CCSER1: variants seen among roughly 807,000 people sequenced by gnomAD.
CCSER1 encodes serine-rich coiled-coil domain-containing protein 1.
A neutral mutation model predicts 82.0 loss-of-function variants in CCSER1; 41 were observed. The observed-to-expected ratio is 0.50, with a 90% CI of 0.39 to 0.65. The LOEUF (loss-of-function observed/expected upper bound fraction) is 0.65. Among genes scored for constraint, CCSER1 ranks in the 30% least tolerant of loss-of-function variants. The pLI, the probability that CCSER1 is intolerant of heterozygous loss-of-function variation, is 0.00. For synonymous variants in CCSER1, 414 were observed against 383.9 expected, an observed-to-expected ratio of 1.08 and a Z score of -0.92; for missense variants, 1,119 against 1,064.2, an observed-to-expected ratio of 1.05 and a Z score of -0.72.
intron 9 of CCSER1, among the ~76,000 whole-genome samples, chr4:91,043,219 A>T (rs918554317): frequency 2.6e-5 from 4 of 152,122 alleles, no homozygotes; most frequent in Non-Finnish European, 4.4e-5. Flanking sequence ...TAAGGCATTC[A>T]CTAAAAAAAG....
chr4:90,322,834 T>G (rs929695086), intron 3 of CCSER1, among the ~76,000 whole-genome samples: 15 of 152,142 alleles, frequency 9.9e-5, no homozygotes, highest in African/African-American at 3.6e-4. Flanking sequence ...TGTAAGTACT[T>G]CCATTGCCAC....
chr4:91,219,696 C>G lies in CCSER1; in HGVS notation c.2217+133702C>G, dbSNP rs529556973. Among the ~76,000 whole-genome samples, 3 of 152,238 alleles carry G rather than the reference C, an allele frequency of 2.0e-5. No individual in the cohort carries two copies. In the South Asian group the frequency reaches 6.2e-4, roughly 32 times the overall value. On this transcript the variant is annotated intron_variant, in intron 10 of 10. Transcript: ENST00000509176. ...ACAAGAACTTTCTCTGAGCTACATT[C>G]ACTTAGGGCAAAAGATTCCTGTTGG...
intron 9 of CCSER1, among the ~76,000 whole-genome samples, chr4:91,030,478 C>G (rs1056936900): frequency 1.6e-4 from 24 of 151,982 alleles, no homozygotes; most frequent in African/African-American, 5.1e-4. Flanking sequence ...CAGCTCTGGA[C>G]AGACAGTAAA....
intron 1 of CCSER1, among the ~76,000 whole-genome samples, chr4:90,266,422 A>ATTTT (rs397968126): frequency 6.7e-6 from 1 of 148,428 alleles, no homozygotes; most frequent in African/African-American, 2.4e-5. Context: ...AAAATTGGGA[A>ATTTT]TTTTTTTTTT....
intron 10 of CCSER1, among the ~76,000 whole-genome samples, chr4:91,323,515 T>C (rs1049307297): frequency 1.3e-5 from 2 of 152,188 alleles, no homozygotes; most frequent in African/African-American, 4.8e-5. Context: ...AAAATGTACA[T>C]AATGACATAA....
intron 7 of CCSER1, among the ~76,000 whole-genome samples, chr4:90,775,909 A>G (rs1004882942): frequency 6.6e-6 from 1 of 151,512 alleles, no homozygotes; most frequent in African/African-American, 2.4e-5. Context: ...TCTAGTTGCC[A>G]TGTGTGTGAA....
intron 4 of CCSER1, among the ~76,000 whole-genome samples, chr4:90,438,093 A>G (rs1027659869): frequency 3.9e-5 from 6 of 152,156 alleles, no homozygotes; most frequent in Non-Finnish European, 5.9e-5. Context: ...CACATTGAAA[A>G]AGCTTATTGC....
intron 9 of CCSER1, among the ~76,000 whole-genome samples, chr4:90,995,415 G>C (rs1329510581): frequency 6.6e-6 from 1 of 152,082 alleles, no homozygotes; most frequent in Non-Finnish European, 1.5e-5. Context: ...TTCTGTGGGA[G>C]ATGCAAAAAT....
intron 8 of CCSER1, among the ~76,000 whole-genome samples, chr4:90,917,373 A>T (rs1343831830): frequency 6.6e-6 from 1 of 152,172 alleles, no homozygotes; most frequent in African/African-American, 2.4e-5. Flanking sequence ...AGGGACATGG[A>T]TGAAGCTGGA....
chr4:91,594,012 T>TA (rs1476441157), intron 10 of CCSER1, among the ~76,000 whole-genome samples: 2 of 152,156 alleles, frequency 1.3e-5, no homozygotes, highest in Non-Finnish European at 2.9e-5. Flanking sequence ...GTCGACTGAT[T>TA]AATCACTAGA....
At chr4:91,248,665 C>T (rs1009211770) in intron 10 of CCSER1, among the ~76,000 whole-genome samples, 4 of 151,998 alleles carry the variant, frequency 2.6e-5, no homozygotes, top group Non-Finnish European at 4.4e-5. Context: ...CCTTAGGAGA[C>T]ATGATGGTCA....
chr4:90,179,358 A>G (rs560599607), intron 1 of CCSER1, among the ~76,000 whole-genome samples: 9 of 152,180 alleles, frequency 5.9e-5, no homozygotes, highest in Non-Finnish European at 1.2e-4. Context: ...CATGTCTCCA[A>G]CATGTGCAAG....
intron 5 of CCSER1, among the ~76,000 whole-genome samples, chr4:90,595,835 A>G (rs998673267): frequency 6.6e-6 from 1 of 151,966 alleles, no homozygotes; most frequent in African/African-American, 2.4e-5. Flanking sequence ...ACTTGACATT[A>G]TTTTTTGATT....
At chr4:91,120,567 G>T (rs11936848) in intron 10 of CCSER1, among the ~76,000 whole-genome samples, 3 of 151,678 alleles carry the variant, frequency 2.0e-5, no homozygotes, top group Non-Finnish European at 3.0e-5. Flanking sequence ...TAGCTTTAAA[G>T]TTTTTTTTGA....
chr4:90,295,208 A>G (rs1373137420), intron 1 of CCSER1, among the ~76,000 whole-genome samples: 1 of 151,938 alleles, frequency 6.6e-6, no homozygotes, highest in Non-Finnish European at 1.5e-5. Context: ...TCTAGGGTAA[A>G]TGCTGAGAAG....
intron 10 of CCSER1, among the ~76,000 whole-genome samples, chr4:91,288,218 T>G (rs1743471679): frequency 6.6e-6 from 1 of 150,464 alleles, no homozygotes; most frequent in Admixed American, 6.7e-5. Context: ...ACCTTCTGGT[T>G]TTAGCGTAGG....
chr4:91,208,249 A>G (rs557997180), intron 10 of CCSER1, among the ~76,000 whole-genome samples: 1 of 151,842 alleles, frequency 6.6e-6, no homozygotes, highest in South Asian at 2.1e-4. Context: ...CCATTTGTCA[A>G]TTTTGCTTTT....
intron 10 of CCSER1, among the ~76,000 whole-genome samples, chr4:91,105,358 A>G (rs1725499591): frequency 6.6e-6 from 1 of 152,092 alleles, no homozygotes. Context: ...GTTCTCTTCA[A>G]TAACTTTGAA....
chr4:90,411,489 A>G (rs1754789779), intron 4 of CCSER1, among the ~76,000 whole-genome samples: 1 of 152,234 alleles, frequency 6.6e-6, no homozygotes, highest in Non-Finnish European at 1.5e-5. Flanking sequence ...CAATAAACGT[A>G]ATCCAGCATA....
Sources: gnomAD v4.1 joint callset for allele counts (sites outside exome capture counted in the v4.1 genomes callset) on GRCh38, gnomAD v4.1.1 for gene constraint, MANE v1.5 for transcripts, NCBI Gene and HGNC (gene_info 2026-07-23, HGNC 2026-07-21) for gene names.